Variants in PARD3B observed in about 807,000 individuals in gnomAD.
PARD3B encodes partitioning defective 3 homolog B.
Under a neutral mutation model 130.2 loss-of-function variants are expected in PARD3B, and 103 were observed. The ratio of observed to expected loss-of-function variants is 0.79; its 90% CI spans 0.67 to 0.93. The LOEUF is 0.93. Ranked by LOEUF, PARD3B falls within the 40% of genes least tolerant of loss-of-function variation. PARD3B has a pLI of 0.00. For missense variants in PARD3B, 1,609 were observed against 1,499.2 expected (o/e 1.07, Z -1.21); for synonymous variants, 583 against 553.2 (o/e 1.05, Z -0.76).
chr2:204,797,539 G>C (rs1215770139), intron 2 of PARD3B, among the ~76,000 whole-genome samples: 1 of 152,062 alleles, frequency 6.6e-6, no homozygotes, highest in Non-Finnish European at 1.5e-5. Context: ...TATTGCACCA[G>C]GAAACTAGAC....
At chr2:204,756,789 A>G (rs1348116863) in intron 2 of PARD3B, among the ~76,000 whole-genome samples, 4 of 152,182 alleles carry the variant, frequency 2.6e-5, no homozygotes, top group Non-Finnish European at 5.9e-5. Flanking sequence ...TTTTAGATTT[A>G]GGGGGTTCCT....
At chr2:205,526,544 T>G (rs1411941850) in intron 21 of PARD3B, among the ~76,000 whole-genome samples, 1 of 152,172 alleles carries the variant, frequency 6.6e-6, no homozygotes, top group Non-Finnish European at 1.5e-5. Flanking sequence ...TCAACCTTGA[T>G]CTCCAACTGC....
chr2:204,578,430 C>T (rs770943977), intron 1 of PARD3B, among the ~76,000 whole-genome samples: 2 of 152,028 alleles, frequency 1.3e-5, no homozygotes, highest in Non-Finnish European at 2.9e-5. Flanking sequence ...CTATGGGCAT[C>T]GGTGTGGTGA....
At chr2:204,914,085 A>G (rs146268628) in intron 2 of PARD3B, among the ~76,000 whole-genome samples, 50 of 152,290 alleles carry the variant, frequency 3.3e-4, no homozygotes, top group African/African-American at 1.1e-3. Flanking sequence ...GCACGCTGGG[A>G]GGAGTGCACA....
intron 22 of PARD3B, among the ~76,000 whole-genome samples, chr2:205,559,826 T>C (rs1235889699): frequency 6.6e-6 from 1 of 152,156 alleles, no homozygotes; most frequent in Non-Finnish European, 1.5e-5. Context: ...CTTGAACTTC[T>C]GACCTCAAGT....
intron 19 of PARD3B, among the ~76,000 whole-genome samples, chr2:205,408,097 C>T (rs189914746): frequency 9.9e-5 from 15 of 152,268 alleles, no homozygotes; most frequent in Middle Eastern, 3.4e-3. Flanking sequence ...GAAAGTTAAT[C>T]GGTTTCAGTG....
rs145771319 is a variant in PARD3B, at chr2:205,425,601, T to A, written c.2742-14769T>A. 3.2e-3 allele frequency among the ~76,000 whole-genome samples: 486 copies of A among 151,766 alleles called. 2 individuals carry two copies. Among genetic ancestry groups the A allele is most frequent in the African/African-American group, 0.011 (458 of 41,430 alleles). ...ATTTGATTTGGGGAATGTGCTTGGT[T>A]CCAGGCCATGTAGGATATGGAAGTC... On this transcript the variant is annotated intron_variant, in intron 19 of 22. Transcript: ENST00000406610.
chr2:205,073,381 A>ATT, intron 4 of PARD3B, among the ~76,000 whole-genome samples: 1 of 152,148 alleles, frequency 6.6e-6, no homozygotes, highest in South Asian at 2.1e-4. Context: ...GATGTCGAAA[A>ATT]ACTTGTCTTA....
chr2:205,278,651 T>C (rs967423602), intron 16 of PARD3B, among the ~76,000 whole-genome samples: 1 of 152,122 alleles, frequency 6.6e-6, no homozygotes, highest in African/African-American at 2.4e-5. Context: ...CACGACAAAT[T>C]AATGAATTTA....
Position 204,902,412 on chromosome 2 carries a change from G to C in PARD3B, c.223-62740G>C, listed in dbSNP as rs145087501. Reference sequence around the variant, plus strand: ...CAGCCAGGCGCGGTGGCTCAGGCCTGTTATCCCAGCACTTTGGGAGGCCGA... The same window carrying C: ...CAGCCAGGCGCGGTGGCTCAGGCCTCTTATCCCAGCACTTTGGGAGGCCGA... On this transcript the variant is annotated intron_variant, in intron 2 of 22. Coordinates refer to ENST00000406610, the MANE Select transcript of PARD3B (RefSeq NM_001302769.2). Among the ~76,000 whole-genome samples, 889 of 152,218 alleles carry C rather than the reference G, an allele frequency of 5.8e-3. 9 individuals carry two copies. The highest frequency in any genetic ancestry group is 0.021 in the African/African-American group (857 of 41,538).
intron 2 of PARD3B, among the ~76,000 whole-genome samples, chr2:204,727,131 G>T (rs2039270947): frequency 7.2e-6 from 1 of 138,312 alleles, no homozygotes; most frequent in Admixed American, 7.0e-5. Flanking sequence ...CATTAGGACA[G>T]AATGAGAAGC....
chr2:205,150,211 C>CTGTGTGTGTGTGTGTGTG (rs71409001), intron 10 of PARD3B, among the ~76,000 whole-genome samples: 1 of 134,184 alleles, frequency 7.5e-6, no homozygotes, highest in African/African-American at 2.8e-5. Context: ...CAGCCAGGCT[C>CTGTGTGTGTGTGTGTGTG]TGTGTGTGTG....
At chr2:204,728,396 A>G (rs2039335664) in intron 2 of PARD3B, among the ~76,000 whole-genome samples, 1 of 152,118 alleles carries the variant, frequency 6.6e-6, no homozygotes, top group Admixed American at 6.6e-5. Context: ...AGATGCAGGA[A>G]GAAGAAATCC....
chr2:205,176,557 GTC>G lies in PARD3B; in HGVS notation c.1905_1906del (p.Pro636ThrfsTer12), dbSNP rs2035480534. On this transcript the variant is annotated frameshift_variant, in exon 13 of 23. Transcript: ENST00000406610. LOFTEE classifies it high-confidence loss of function. The surrounding 1 kb of genome is among the most constrained non-coding windows in gnomAD (Gnocchi z 5.3). ...ATCCTGCATCCACTTGGCACTTGCAGTCCACAAGACAAACAGAAAGGTAAGAG... is the reference window on the plus strand; with the variant it reads ...ATCCTGCATCCACTTGGCACTTGCAGCACAAGACAAACAGAAAGGTAAGAG... 1.2e-6 allele frequency: 2 copies of G among 1,610,106 alleles called. No homozygotes were observed. The highest frequency in any genetic ancestry group is 1.7e-6 in the Non-Finnish European group (2 of 1,178,376).
intron 1 of PARD3B, among the ~76,000 whole-genome samples, chr2:204,648,485 G>A (rs2035349015): frequency 7.0e-6 from 1 of 143,146 alleles, no homozygotes; most frequent in Non-Finnish European, 1.5e-5. Flanking sequence ...GTTTCTCTTG[G>A]GTAAATACTT....
Position 205,116,554 on chromosome 2 carries a change from C to T in PARD3B, c.681-2367C>T, listed in dbSNP as rs997182736. Among the ~76,000 whole-genome samples, 3 of 152,144 alleles carry T rather than the reference C, an allele frequency of 2.0e-5. No individual in the cohort carries two copies. The highest frequency in any genetic ancestry group is 3.9e-4 in the East Asian group (2 of 5,190). ...TTAATGCAAATTAACTGGTTAGTCT[C>T]GGCCTATAACTCCTCGACAGCATTA... On this transcript the variant is annotated intron_variant, in intron 6 of 22. Coordinates refer to ENST00000406610, the MANE Select transcript of PARD3B (RefSeq NM_001302769.2). This position sits in a 1 kb window ranked among gnomAD's most constrained non-coding sequence, Gnocchi z 4.5.
chr2:205,041,827 C>T (rs1223746908), intron 3 of PARD3B, among the ~76,000 whole-genome samples: 2 of 152,102 alleles, frequency 1.3e-5, no homozygotes, highest in Non-Finnish European at 2.9e-5. Flanking sequence ...TTGTTGTTTT[C>T]CCTGCTGCCT....
intron 18 of PARD3B, among the ~76,000 whole-genome samples, chr2:205,376,001 G>T (rs2045032734): frequency 6.6e-6 from 1 of 152,178 alleles, no homozygotes; most frequent in African/African-American, 2.4e-5. Flanking sequence ...GGGGTCATCT[G>T]TGACCTTAGC....
chr2:205,517,643 G>T (rs73058199), intron 21 of PARD3B, among the ~76,000 whole-genome samples: 5,834 of 152,006 alleles, frequency 0.038, 193 homozygotes, highest in South Asian at 0.13. Flanking sequence ...ATTCGTTCTT[G>T]CTTCTCTGAT....
Sources: allele counts gnomAD v4.1 joint callset (sites outside exome capture counted in the v4.1 genomes callset), GRCh38; gene constraint gnomAD v4.1.1; non-coding constraint Gnocchi (gnomAD v3.1); transcripts MANE v1.5; gene names NCBI Gene and HGNC (gene_info 2026-07-23, HGNC 2026-07-21).